ZC3HAV1: variants seen among roughly 807,000 people sequenced by gnomAD.
The protein encoded by ZC3HAV1 is zinc finger CCCH-type containing, antiviral 1, also known as zinc finger CCCH-type antiviral protein 1.
In ZC3HAV1, 41 loss-of-function variants were observed where a neutral mutation model predicts 86.6. The observed-to-expected ratio is 0.47, with a 90% CI of 0.37 to 0.61. ZC3HAV1 has a LOEUF of 0.61. ZC3HAV1 is among the 20% of genes least tolerant of loss of function. ZC3HAV1 has a pLI of 0.00. For missense variants in ZC3HAV1, 964 were observed against 1,141.1 expected (o/e 0.84, Z 2.24); for synonymous variants, 421 against 432.1 (o/e 0.97, Z 0.32).
In ZC3HAV1 at chr7:139,109,502, T is replaced by A; in HGVS notation, c.-171A>T. On this transcript the variant is annotated 5_prime_UTR_variant, in exon 1 of 13. Transcript: ENST00000242351. ...CCGTTAGCCCAGCCCAGCGATCCAC[T>A]CTCGGCTCTCAGGTCAAGAGGCTAG... 1.2e-6 allele frequency: 1 copy of A among 814,994 alleles called. No individual in the cohort carries two copies. 50.5% of individuals were successfully genotyped at this position (814,994 alleles called of 1,614,324 possible).
intron 10 of ZC3HAV1, 53 bp from the exon 11 acceptor site, chr7:139,054,148 A>C: frequency 6.7e-7 from 1 of 1,488,650 alleles, no homozygotes; most frequent in Non-Finnish European, 8.9e-7. Context: ...TTAAAGCATG[A>C]TACATCCACA....
At chr7:139,071,759 C>A (rs975359194) in intron 7 of ZC3HAV1, among the ~76,000 whole-genome samples, 1 of 152,194 alleles carries the variant, frequency 6.6e-6, no homozygotes, top group African/African-American at 2.4e-5. Flanking sequence ...CAGCTCTGAG[C>A]CCATATCCTA....
Position 139,044,296 on chromosome 7 carries a change from C to T in ZC3HAV1, c.*3298G>A, listed in dbSNP as rs1349474880. ...CCCCCACCCGTCTAGTTTCATTTTCCTGTACTTGTTTACAGGAAGTAGCCT... is the reference window on the plus strand; with the variant it reads ...CCCCCACCCGTCTAGTTTCATTTTCTTGTACTTGTTTACAGGAAGTAGCCT... On this transcript the variant is annotated 3_prime_UTR_variant, in exon 13 of 13. Transcript: ENST00000242351. 6.6e-6 allele frequency: 1 copy of T among 152,124 alleles called. No individual in the cohort carries two copies. 9.4% of individuals were successfully genotyped at this position (152,124 alleles called of 1,614,324 possible). A position where few individuals can be genotyped will look rare whatever the true frequency, so the allele number is the denominator to read the frequency against.
intron 2 of ZC3HAV1, among the ~76,000 whole-genome samples, chr7:139,085,072 C>T (rs1817236623): frequency 1.3e-5 from 2 of 152,192 alleles, no homozygotes; most frequent in African/African-American, 2.4e-5. Context: ...GTGTGGTCCC[C>T]GGACCAGCAC....
rs1817624462 is a variant in ZC3HAV1 at position 139,097,413 on chromosome 7, TATA to T, written c.309-7657_309-7655del. Among the ~76,000 whole-genome samples the T allele has an allele frequency of 7.9e-4, 63 of 80,222 alleles. 2 individuals are homozygous for T. Among genetic ancestry groups the T allele is most frequent in the South Asian group, 1.6e-3 (3 of 1,914 alleles). The allele number at this position is 80,222 out of a possible 152,430, so 52.6% of individuals were successfully genotyped here. On this transcript the variant is annotated intron_variant, in intron 1 of 12. Transcript: ENST00000242351. ...AATATTGGAACTCCATATATATATA[TATA>T]TATATATATATATTTTTTTTTTTTT...
rs551783955 is a variant in ZC3HAV1 at position 139,072,433 on chromosome 7, C to G, written c.1872+1423G>C. 1.0e-3 allele frequency among the ~76,000 whole-genome samples: 156 copies of G among 152,232 alleles called. 1 individual carries two copies. Among genetic ancestry groups the G allele is most frequent in the African/African-American group, 3.3e-3 (139 of 41,530 alleles). ...ACTCCTGACTTCAGGTGATCCACCC[C>G]ACCTCGGCCTCCCAAAGTGCTGGGA... On this transcript the variant is annotated intron_variant, in intron 7 of 12. Transcript: ENST00000242351.
intron 9 of ZC3HAV1, among the ~76,000 whole-genome samples, chr7:139,059,096 T>C (rs899190295): frequency 5.9e-5 from 9 of 152,180 alleles, no homozygotes; most frequent in African/African-American, 1.9e-4. Flanking sequence ...ATTGTAACGA[T>C]TGTAACGAAT....
At chr7:139,068,024 TTTATTATTA>T (rs142686573) in intron 7 of ZC3HAV1, among the ~76,000 whole-genome samples, 1,805 of 142,050 alleles carry the variant, frequency 0.013, 23 homozygotes, top group African/African-American at 0.022. Context: ...TCTTTCTTTC[TTTATTATTA>T]TTATTATTAT....
At chr7:139,055,518 C>G (rs1816258748) in intron 9 of ZC3HAV1, among the ~76,000 whole-genome samples, 1 of 152,328 alleles carries the variant, frequency 6.6e-6, no homozygotes, top group Non-Finnish European at 1.5e-5. Flanking sequence ...CAATTAAATG[C>G]CATTTTCCTA....
chr7:139,054,306 A>G (rs548011892), intron 10 of ZC3HAV1, among the ~76,000 whole-genome samples: 1 of 152,298 alleles, frequency 6.6e-6, no homozygotes, highest in East Asian at 1.9e-4. Flanking sequence ...GCCAACTGAA[A>G]GCTAGCAAAG....
chr7:139,083,333 T>C (rs1028966439), intron 3 of ZC3HAV1, among the ~76,000 whole-genome samples: 1 of 152,018 alleles, frequency 6.6e-6, no homozygotes, highest in African/African-American at 2.4e-5. Flanking sequence ...AAATGGTGTA[T>C]ACATATGCAT....
Position 139,109,209 on chromosome 7 carries a change from C to T in ZC3HAV1, c.123G>A (p.Leu41=). 1.9e-6 allele frequency: 3 copies of T among 1,609,186 alleles called. No individual in the cohort carries two copies. Among genetic ancestry groups the T allele is most frequent in the Non-Finnish European group, 2.5e-6 (3 of 1,177,978 alleles). ...ALSEPQLCEV[L]QVAGPDRFVV... is the part of the protein sequence containing the mutation. ...CAAAGCGGTCGGGCCCGGCCACCTG[C>T]AGCACCTCACAGAGCTGCGGCTCAG... Residue 41 remains leucine (L), a synonymous_variant, in exon 1 of 13, where the codon CTG becomes CTA. Coordinates refer to ENST00000242351, the MANE Select transcript of ZC3HAV1 (RefSeq NM_020119.4).
chr7:139,058,403 G>A (rs1259226431), intron 9 of ZC3HAV1, among the ~76,000 whole-genome samples: 2 of 147,568 alleles, frequency 1.4e-5, no homozygotes, highest in South Asian at 4.3e-4. Flanking sequence ...GCAGTGAGCT[G>A]TGATTGCGCC....
chr7:139,104,726 A>C (rs1318405525), intron 1 of ZC3HAV1, among the ~76,000 whole-genome samples: 2 of 136,654 alleles, frequency 1.5e-5, no homozygotes, highest in African/African-American at 5.5e-5. Context: ...TGTCACAAAA[A>C]AAAAAAAAAA....
At chr7:139,058,453 C>A (rs866871750) in intron 9 of ZC3HAV1, among the ~76,000 whole-genome samples, 110 of 116,030 alleles carry the variant, frequency 9.5e-4, no homozygotes, top group South Asian at 6.6e-3. Flanking sequence ...CCCCCCCCCC[C>A]CACAAAAAAA....
At position 139,046,503 on chromosome 7, in the gene ZC3HAV1, G is replaced by A. The variant is rs1162011576; in HGVS notation, c.*1091C>T. 7.2e-5 allele frequency: 11 copies of A among 152,304 alleles called. No individual in the cohort carries two copies. The highest frequency in any genetic ancestry group is 2.0e-4 in the Admixed American group (3 of 15,294). 9.4% of individuals were successfully genotyped at this position (152,304 alleles called of 1,614,324 possible). ...TAATCATATTAATTAGAACATAAAT[G>A]TCTACTTTGCCATAATTATACAAAG... On this transcript the variant is annotated 3_prime_UTR_variant, in exon 13 of 13. Transcript: ENST00000242351.
chr7:139,079,830 C>A lies in ZC3HAV1; in HGVS notation c.1111G>T (p.Ala371Ser). 1 of 1,614,078 alleles carries A rather than the reference C, an allele frequency of 6.2e-7. No individual in the cohort carries two copies. The highest frequency in any genetic ancestry group is 8.5e-7 in the Non-Finnish European group (1 of 1,180,018). ...GGAGAAAACACAGTCTTTCTCCTGG[C>A]GCCTTGGTCATTCGTCCAGGATGTG... ...SLTSWTNDQG[A>S]RRKTVFSPTL... is the part of the protein sequence containing the mutation. Residue 371 changes from alanine to serine, a missense_variant, in exon 4 of 13, where the codon GCC becomes TCC. By Grantham distance (99) the Ala-to-Ser change is moderately conservative. Coordinates refer to ENST00000242351, the MANE Select transcript of ZC3HAV1 (RefSeq NM_020119.4).
chr7:139,065,147 G>T, intron 7 of ZC3HAV1, 148 bp from the exon 8 acceptor site: 2 of 1,035,336 alleles, frequency 1.9e-6, no homozygotes, highest in African/African-American at 1.6e-5. Context: ...TCAGGGCTAT[G>T]TCACAGACTT....
chr7:139,060,338 T>C (rs1012134856), intron 9 of ZC3HAV1: 1 of 985,264 alleles, frequency 1.0e-6, no homozygotes, highest in African/African-American at 1.7e-5. Context: ...ACTCCAAAAA[T>C]GTTCATGAAC....
Sources: gnomAD v4.1 joint callset for allele counts (sites outside exome capture counted in the v4.1 genomes callset) on GRCh38, gnomAD v4.1.1 for gene constraint, MANE v1.5 for transcripts, NCBI Gene and HGNC (gene_info 2026-07-23, HGNC 2026-07-21) for gene names.